Variants in RAB4B observed in about 807,000 individuals in gnomAD.
The protein encoded by RAB4B is ras-related protein Rab-4B.
RAB4B carries 15 observed loss-of-function variants against 28.3 expected under a neutral mutation model. The observed-to-expected ratio is 0.53, with a 90% CI of 0.35 to 0.82. The LOEUF (loss-of-function observed/expected upper bound fraction) is 0.82. RAB4B is among the 40% of genes least tolerant of loss of function. The pLI, the probability that RAB4B is intolerant of heterozygous loss-of-function variation, is 0.01. For missense variants in RAB4B, 244 were observed against 288.5 expected (o/e 0.85, Z 1.12); for synonymous variants, 108 against 116.3 (o/e 0.93, Z 0.46).
chr19:40,789,997 T>C (rs1464715926), intron 7 of RAB4B, among the ~76,000 whole-genome samples: 1 of 152,166 alleles, frequency 6.6e-6, no homozygotes, highest in Non-Finnish European at 1.5e-5. Context: ...ATGGAGGACC[T>C]GTGTGTGTTT....
chr19:40,784,026 T>A lies in RAB4B; in HGVS notation c.381T>A (p.Pro127=), dbSNP rs1353364830. The A allele has an allele frequency of 1.9e-6, 3 of 1,613,998 alleles. No homozygotes were observed. Among genetic ancestry groups the A allele is most frequent in the Non-Finnish European group, 2.5e-6 (3 of 1,179,866 alleles). The change falls in exon 5 of 8, where the codon CCT becomes CCA. Residue 127 remains proline (P), a synonymous_variant. Transcript: ENST00000357052. ...ILCGNKKDLD[P]EREVTFLEAS... is the part of the protein sequence containing the mutation. ...GTGGCAACAAGAAGGACCTGGACCC[T>A]GAGCGGGAGGTCACTTTCCTGGAGG...
At chr19:40,794,460 G>T (rs965534671) in intron 7 of RAB4B, 1 of 148,972 alleles carries the variant, frequency 6.7e-6, no homozygotes, top group South Asian at 2.1e-4. Flanking sequence ...GAACTCCTGG[G>T]CCCAAGTGAT....
At position 40,778,288 on chromosome 19, in the gene RAB4B, G is replaced by C; in HGVS notation, c.-88G>C. 2 of 1,332,458 alleles carry C rather than the reference G, an allele frequency of 1.5e-6. No homozygotes were observed. Among genetic ancestry groups the C allele is most frequent in the South Asian group, 2.7e-5 (2 of 75,350 alleles). The allele number at this position is 1,332,458 out of a possible 1,614,324, so 82.5% of individuals were successfully genotyped here. A position where few individuals can be genotyped will look rare whatever the true frequency, so the allele number is the denominator to read the frequency against. ...GGCCCGGGGAGTAGGAAGGAGCCGG[G>C]GCTGTAGCCGGAGTGGAGCGGCTGC... On this transcript the variant is annotated 5_prime_UTR_variant, in exon 1 of 8. Transcript: ENST00000357052.
chr19:40,780,261 G>A, intron 2 of RAB4B, 124 bp from the exon 3 acceptor site: 9 of 1,431,394 alleles, frequency 6.3e-6, no homozygotes, highest in Non-Finnish European at 8.5e-6. Flanking sequence ...GGTTCTCCTT[G>A]ACCTCAAGTC....
At chr19:40,780,307 A>T in intron 2 of RAB4B, 78 bp from the exon 3 acceptor site, 1 of 1,462,100 alleles carries the variant, frequency 6.8e-7, no homozygotes. Flanking sequence ...AGAGACTGAG[A>T]GGGCCTTGGA....
At chr19:40,787,745 T>G (rs530205546) in intron 7 of RAB4B, among the ~76,000 whole-genome samples, 2 of 150,592 alleles carry the variant, frequency 1.3e-5, no homozygotes, top group Admixed American at 1.3e-4. Context: ...GGGGTATACA[T>G]AAGGTCAGGA....
rs2083076240 is a variant in RAB4B, at chr19:40,784,092, G to C, written c.430+17G>C. 1 of 1,591,000 alleles carries C rather than the reference G, an allele frequency of 6.3e-7. No homozygotes were observed. Among genetic ancestry groups the C allele is most frequent in the Admixed American group, 1.7e-5 (1 of 58,854 alleles). On this transcript the variant is annotated intron_variant, in intron 5 of 7. Coordinates refer to ENST00000357052, the MANE Select transcript of RAB4B (RefSeq NM_016154.5). ...AGGAGAATGGTGAGGGCTGTGTCGT[G>C]GACCAGGTGGTGGTGGGGGTGGACA... is the stretch of plus-strand genomic sequence containing the variant.
In RAB4B at chr19:40,778,285, CG is replaced by C. The variant is rs1190313982; in HGVS notation, c.-87del. On this transcript the variant is annotated 5_prime_UTR_variant, in exon 1 of 8. Transcript: ENST00000357052. ...CCGGGCCCGGGGAGTAGGAAGGAGC[CG>C]GGGCTGTAGCCGGAGTGGAGCGGCT... 2.3e-6 allele frequency: 3 copies of C among 1,311,066 alleles called. No individual in the cohort carries two copies. Among genetic ancestry groups the C allele is most frequent in the Non-Finnish European group, 3.1e-6 (3 of 975,068 alleles). 81.2% of individuals were successfully genotyped at this position (1,311,066 alleles called of 1,614,324 possible). A position where few individuals can be genotyped will look rare whatever the true frequency, so the allele number is the denominator to read the frequency against.
chr19:40,795,688 C>T (rs2145070631), intron 7 of RAB4B, among the ~76,000 whole-genome samples: 1 of 150,870 alleles, frequency 6.6e-6, no homozygotes, highest in Admixed American at 6.6e-5. Flanking sequence ...AGCCACCGTG[C>T]CTGGCCGATT....
intron 3 of RAB4B, among the ~76,000 whole-genome samples, chr19:40,782,565 C>T (rs1342374105): frequency 6.6e-6 from 1 of 152,158 alleles, no homozygotes; most frequent in Non-Finnish European, 1.5e-5. Flanking sequence ...GTAATCCCAG[C>T]ACTTTGGGAG....
chr19:40,780,287 A>G, intron 2 of RAB4B, 98 bp from the exon 3 acceptor site: 2 of 1,437,684 alleles, frequency 1.4e-6, no homozygotes, highest in East Asian at 2.5e-5. Flanking sequence ...AGCAAGGAGA[A>G]TGGGTTTGTA....
At chr19:40,792,406 G>C (rs2083167371) in intron 7 of RAB4B, 2 of 152,210 alleles carry the variant, frequency 1.3e-5, no homozygotes, top group South Asian at 4.1e-4. Flanking sequence ...CCATCTTTGG[G>C]CTGAGCTCAA....
intron 7 of RAB4B, among the ~76,000 whole-genome samples, chr19:40,794,997 CAAAAA>C (rs59417778): frequency 1.1e-4 from 11 of 99,898 alleles, no homozygotes; most frequent in Admixed American, 8.4e-4. Flanking sequence ...ACTAAAAATA[CAAAAA>C]AAAAAAAAAA....
At position 40,786,983 on chromosome 19, in the gene RAB4B, G is replaced by T. The variant is rs1201943275; in HGVS notation, c.*15+5G>T. The T allele has an allele frequency of 5.6e-6, 9 of 1,610,680 alleles. No homozygotes were observed. In the Admixed American group the frequency reaches 1.3e-4, roughly 24 times the overall value. ...TGCTGAGCTCTGTGGAGCCAGGTGG[G>T]ACACTGGGGGCTTTAGGGAGGCAGG... On this transcript the variant is annotated splice_donor_5th_base_variant and intron_variant, in intron 7 of 7. Coordinates refer to ENST00000357052, the MANE Select transcript of RAB4B (RefSeq NM_016154.5).
chr19:40,778,492 T>C (rs141715458), intron 1 of RAB4B, 101 bp downstream of exon 1: 27,965 of 1,236,626 alleles, frequency 0.023, 340 homozygotes, highest in Non-Finnish European at 0.025. Context: ...CGGGGTCTGG[T>C]GTGATGGAGG....
At chr19:40,789,516 T>C (rs1238228471) in intron 7 of RAB4B, among the ~76,000 whole-genome samples, 1 of 112,466 alleles carries the variant, frequency 8.9e-6, no homozygotes, top group Non-Finnish European at 2.0e-5. Flanking sequence ...TTTTTTTTTT[T>C]TTTTTTGAGA....
Position 40,786,653 on chromosome 19 carries a change from G to A in RAB4B, c.431-12G>A. ...AACTGGGGCCCTGACCTCAGAGTGT[G>A]TGCCCCTGCAGAGCTGATGTTCCTG... On this transcript the variant is annotated splice_polypyrimidine_tract_variant and intron_variant, in intron 5 of 7. Coordinates refer to ENST00000357052, the MANE Select transcript of RAB4B (RefSeq NM_016154.5). The A allele has an allele frequency of 1.9e-6, 3 of 1,613,956 alleles. No individual in the cohort carries two copies. The highest frequency in any genetic ancestry group is 1.7e-6 in the Non-Finnish European group (2 of 1,179,902).
intron 1 of RAB4B, 65 bp from the exon 2 acceptor site, chr19:40,779,954 C>T: frequency 6.2e-7 from 1 of 1,609,342 alleles, no homozygotes; most frequent in South Asian, 1.1e-5. Context: ...GGATTGGAAT[C>T]CATCTTTTTT....
chr19:40,779,849 A>G, intron 1 of RAB4B, 170 bp from the exon 2 acceptor site: 4 of 1,438,686 alleles, frequency 2.8e-6, no homozygotes, highest in Non-Finnish European at 2.7e-6. Context: ...CATGGCAAGT[A>G]CTACATAAGA....
Sources: gnomAD v4.1 joint callset for allele counts (sites outside exome capture counted in the v4.1 genomes callset) on GRCh38, gnomAD v4.1.1 for gene constraint, MANE v1.5 for transcripts, NCBI Gene and HGNC (gene_info 2026-07-23, HGNC 2026-07-21) for gene names.